The following PCDH15 variants were observed in gnomAD, a reference collection of about 807,000 sequenced individuals.
The protein encoded by PCDH15 is protocadherin-15.
PCDH15 carries 129 observed loss-of-function variants against 178.5 expected under a neutral mutation model. The ratio of observed to expected loss-of-function variants is 0.72; its 90% CI spans 0.63 to 0.84. The LOEUF (loss-of-function observed/expected upper bound fraction) is 0.84. Among genes scored for constraint, PCDH15 ranks in the 40% least tolerant of loss-of-function variants. PCDH15 has a pLI of 0.00. For missense variants in PCDH15, 2,230 were observed against 2,099.9 expected, an observed-to-expected ratio of 1.06 and a Z score of -1.21; for synonymous variants, 800 against 732.0, an observed-to-expected ratio of 1.09 and a Z score of -1.50.
At chr10:54,879,141 C>T (rs980808942) in intron 3 of PCDH15, among the ~76,000 whole-genome samples, 3 of 151,618 alleles carry the variant, frequency 2.0e-5, no homozygotes, top group Admixed American at 6.6e-5. Context: ...AACAACTTTA[C>T]GTATGTTAGA....
chr10:55,414,763 A>G (rs1366561445), intron 2 of PCDH15, among the ~76,000 whole-genome samples: 1 of 133,652 alleles, frequency 7.5e-6, no homozygotes, highest in Non-Finnish European at 1.6e-5. Context: ...TATTATTTCT[A>G]ACAAGGGGTG....
At chr10:53,961,983 C>T (rs1291023302) in intron 21 of PCDH15, 91 bp from the exon 22 acceptor site, 1 of 1,068,458 alleles carries the variant, frequency 9.4e-7, no homozygotes, top group African/African-American at 1.6e-5. Flanking sequence ...AATTCATGGT[C>T]TTTTAGAAGT....
At chr10:55,238,270 C>G (rs556369157) in intron 1 of PCDH15, among the ~76,000 whole-genome samples, 104 of 151,792 alleles carry the variant, frequency 6.9e-4, no homozygotes, top group Middle Eastern at 3.4e-3. Flanking sequence ...CTGCCTCAGC[C>G]TCCCGAGTAG....
intron 2 of PCDH15, among the ~76,000 whole-genome samples, chr10:55,609,695 T>C (rs908758758): frequency 6.6e-6 from 1 of 152,110 alleles, no homozygotes; most frequent in Non-Finnish European, 1.5e-5. Context: ...AATCGTGCTA[T>C]CTATTTAACA....
intron 2 of PCDH15, among the ~76,000 whole-genome samples, chr10:54,547,869 CA>C (rs2086038229): frequency 6.6e-6 from 1 of 151,738 alleles, no homozygotes; most frequent in African/African-American, 2.4e-5. Flanking sequence ...AATTATTTTC[CA>C]AATTGGCTAT....
chr10:54,315,981 T>G (rs199764386), intron 8 of PCDH15, among the ~76,000 whole-genome samples: 31,111 of 151,266 alleles, frequency 0.21, 3,257 homozygotes, highest in Admixed American at 0.24. Flanking sequence ...GGGTTTTGTT[T>G]TTTTTTTTGG....
intron 2 of PCDH15, among the ~76,000 whole-genome samples, chr10:54,922,206 T>A (rs1346752560): frequency 6.6e-6 from 1 of 152,094 alleles, no homozygotes; most frequent in Non-Finnish European, 1.5e-5. Context: ...CCCCAAAGTC[T>A]TGACTCATTA....
At chr10:53,963,229 AT>A (rs148746422) in intron 21 of PCDH15, among the ~76,000 whole-genome samples, 2,206 of 152,272 alleles carry the variant, frequency 0.014, 51 homozygotes, top group African/African-American at 0.048. Context: ...TGAGATAAAT[AT>A]GAGTTTTCAG....
At chr10:55,597,747 T>G (rs896377097) in intron 2 of PCDH15, among the ~76,000 whole-genome samples, 2 of 152,152 alleles carry the variant, frequency 1.3e-5, no homozygotes, top group African/African-American at 4.8e-5. Flanking sequence ...CACTTCAGAT[T>G]TATACCCAAC....
chr10:54,499,493 A>T (rs1263056914), intron 3 of PCDH15, among the ~76,000 whole-genome samples: 2 of 152,192 alleles, frequency 1.3e-5, no homozygotes. Flanking sequence ...TAGTGCAACA[A>T]AAATAGAAAT....
intron 32 of PCDH15, chr10:53,825,172 A>G (rs762686485): frequency 6.6e-7 from 1 of 1,524,342 alleles, no homozygotes; most frequent in Non-Finnish European, 8.8e-7. Flanking sequence ...AACAGAAAAC[A>G]TGTGATAGAA....
intron 3 of PCDH15, among the ~76,000 whole-genome samples, chr10:54,519,001 A>G (rs1393639484): frequency 2.0e-5 from 3 of 152,236 alleles, no homozygotes; most frequent in Non-Finnish European, 4.4e-5. Context: ...GCCTTTGACA[A>G]AATTCAACAA....
chr10:54,791,581 C>T (rs149962105), intron 1 of PCDH15, among the ~76,000 whole-genome samples: 188 of 151,966 alleles, frequency 1.2e-3, no homozygotes, highest in African/African-American at 3.7e-3. Context: ...TCATCTCAAA[C>T]GTAACATGTT....
chr10:55,149,098 G>A (rs913873672), intron 2 of PCDH15, among the ~76,000 whole-genome samples: 5 of 151,290 alleles, frequency 3.3e-5, no homozygotes, highest in Admixed American at 6.6e-5. Context: ...AACATAAAAT[G>A]TAGTGGTTAA....
chr10:55,401,594 CTGTGTG>C lies in PCDH15; in HGVS notation c.-156+226025_-156+226030del, dbSNP rs3074786. Among the ~76,000 whole-genome samples the C allele has an allele frequency of 5.3e-3, 706 of 133,154 alleles. 3 individuals are homozygous for C. The highest frequency in any genetic ancestry group is 0.013 in the African/African-American group (458 of 33,978). The allele number at this position is 133,154 out of a possible 152,430, so 87.4% of individuals were successfully genotyped here. ...TTCTTTACTGGACCAATTTGCCTTA[CTGTGTG>C]TGTGTGTGTGTGTGTGTGTGTGTGT... is the stretch of plus-strand genomic sequence containing the variant. On this transcript the variant is annotated intron_variant, in intron 2 of 5. Transcript: ENST00000613346.
At position 54,548,658 on chromosome 10, in the gene PCDH15, T is replaced by C. The variant is rs959884701; in HGVS notation, c.92-20781A>G. On this transcript the variant is annotated intron_variant, in intron 2 of 37. Transcript: ENST00000644397. ...AATATATAATACTTATATAAATATA[T>C]ATACATATGTTTGTTTCACATATAT... Among the ~76,000 whole-genome samples the C allele has an allele frequency of 6.1e-5, 9 of 147,348 alleles. 1 individual carries two copies. The South Asian group carries it at 1.7e-3, about 27-fold the overall frequency.
intron 3 of PCDH15, among the ~76,000 whole-genome samples, chr10:54,834,422 G>A (rs925251947): frequency 1.3e-5 from 2 of 151,652 alleles, no homozygotes; most frequent in Admixed American, 6.6e-5. Context: ...CAGGTGATTC[G>A]CCCGCCTCAG....
intron 15 of PCDH15, among the ~76,000 whole-genome samples, chr10:54,095,623 A>G (rs904586970): frequency 6.6e-6 from 1 of 152,176 alleles, no homozygotes; most frequent in Non-Finnish European, 1.5e-5. Context: ...AAGCAAAATA[A>G]AATGCCTTAT....
intron 3 of PCDH15, among the ~76,000 whole-genome samples, chr10:54,404,443 G>A (rs1052176172): frequency 3.9e-5 from 6 of 152,194 alleles, no homozygotes; most frequent in African/African-American, 1.4e-4. Flanking sequence ...TTTAGTAAAT[G>A]TGTAGGGAGA....
Sources: allele counts gnomAD v4.1 joint callset (sites outside exome capture counted in the v4.1 genomes callset), GRCh38; gene constraint gnomAD v4.1.1; transcripts MANE v1.5; gene names NCBI Gene and HGNC (gene_info 2026-07-23, HGNC 2026-07-21).